CERT1: variants seen among roughly 807,000 people sequenced by gnomAD.
The protein encoded by CERT1 is ceramide transporter 1.
In CERT1, 31 loss-of-function variants were observed where a neutral mutation model predicts 87.9. The ratio of observed to expected loss-of-function variants is 0.35; its 90% confidence interval spans 0.27 to 0.48. CERT1 has a LOEUF of 0.48. Among genes scored for constraint, CERT1 ranks in the 20% least tolerant of loss-of-function variants. The pLI, the probability that CERT1 is intolerant of heterozygous loss-of-function variation, is 0.99. For missense variants in CERT1, 487 were observed against 758.0 expected (o/e 0.64, Z 4.20); for synonymous variants, 289 against 250.9 (o/e 1.15, Z -1.44).
At chr5:75,417,255 T>C (rs1763170310) in intron 6 of CERT1, among the ~76,000 whole-genome samples, 1 of 152,198 alleles carries the variant, frequency 6.6e-6, no homozygotes, top group African/African-American at 2.4e-5. Flanking sequence ...CTAGATTCTG[T>C]TTCCTGAAAT....
chr5:75,404,772 A>T (rs1403167013), intron 8 of CERT1, among the ~76,000 whole-genome samples: 3 of 152,026 alleles, frequency 2.0e-5, no homozygotes, highest in African/African-American at 7.2e-5. Flanking sequence ...ACTCTGGGAG[A>T]CCAAGGAGGG....
intron 2 of CERT1, among the ~76,000 whole-genome samples, chr5:75,480,597 T>A (rs1766191562): frequency 6.6e-6 from 1 of 152,248 alleles, no homozygotes. Context: ...CCCTCTTCCC[T>A]GGTCTCCAGA....
chr5:75,497,949 A>G (rs1309637524), intron 2 of CERT1, among the ~76,000 whole-genome samples: 1 of 152,100 alleles, frequency 6.6e-6, no homozygotes. Flanking sequence ...CTTCCTAGAG[A>G]CTTGTTGAAT....
At chr5:75,481,075 T>A (rs1021642379) in intron 2 of CERT1, among the ~76,000 whole-genome samples, 1 of 152,202 alleles carries the variant, frequency 6.6e-6, no homozygotes, top group Admixed American at 6.5e-5. Context: ...CGCTCAGCAT[T>A]AAAGTCAAAG....
Position 75,401,666 on chromosome 5 carries a change from A to C in CERT1, c.1017+1306T>G, listed in dbSNP as rs147682191. 43 of 152,302 alleles carry C rather than the reference A, an allele frequency of 2.8e-4. 1 individual carries two copies. In the East Asian group the frequency reaches 7.5e-3, roughly 27 times the overall value. 9.4% of individuals were successfully genotyped at this position (152,302 alleles called of 1,614,324 possible). A position where few individuals can be genotyped will look rare whatever the true frequency, so the allele number is the denominator to read the frequency against. ...TTTGGGTATAAAAAAAATGAGCAAT[A>C]AGCTTTACAAATTAATGTGACATGA... On this transcript the variant is annotated intron_variant, in intron 9 of 16. Coordinates refer to ENST00000643780, the MANE Select transcript of CERT1 (RefSeq NM_001379029.1).
At chr5:75,420,347 GTT>G (rs11310251) in intron 5 of CERT1, among the ~76,000 whole-genome samples, 4 of 138,514 alleles carry the variant, frequency 2.9e-5, no homozygotes, top group Non-Finnish European at 3.2e-5. Flanking sequence ...GATATCGACT[GTT>G]TTTTTTTTTT....
chr5:75,411,798 A>G lies in CERT1; in HGVS notation c.838-695T>C, dbSNP rs533892057. ...CCCACCAACCCCAGTTAAGAGATAC[A>G]TTTATTTTGGTATGAAGAAAAACAG... On this transcript the variant is annotated intron_variant, in intron 7 of 16. Coordinates refer to ENST00000643780, the MANE Select transcript of CERT1 (RefSeq NM_001379029.1). Among the ~76,000 whole-genome samples, 13 of 152,292 alleles carry G rather than the reference A, an allele frequency of 8.5e-5. No individual in the cohort carries two copies. The South Asian group carries it at 2.7e-3, about 32-fold the overall frequency.
At chr5:75,485,760 A>T (rs1158293467) in intron 2 of CERT1, among the ~76,000 whole-genome samples, 1 of 152,164 alleles carries the variant, frequency 6.6e-6, no homozygotes, top group Non-Finnish European at 1.5e-5. Flanking sequence ...AAAACCTAGA[A>T]GAAATGAATA....
At chr5:75,429,965 G>C (rs982523047) in intron 3 of CERT1, among the ~76,000 whole-genome samples, 4 of 151,796 alleles carry the variant, frequency 2.6e-5, no homozygotes, top group South Asian at 2.1e-4. Context: ...AATCTCAAAG[G>C]AGGAGGAAAC....
At chr5:75,400,126 G>A (rs1482758038) in intron 10 of CERT1, 79 bp downstream of exon 10, 3 of 1,089,642 alleles carry the variant, frequency 2.8e-6, no homozygotes, top group Admixed American at 2.0e-5. Context: ...GTGAGACTCC[G>A]TCTCAAATAA....
At chr5:75,436,985 T>A (rs1389600528) in intron 3 of CERT1, among the ~76,000 whole-genome samples, 1 of 152,144 alleles carries the variant, frequency 6.6e-6, no homozygotes, top group Non-Finnish European at 1.5e-5. Context: ...GGGGTCTTAT[T>A]ACGTTGTCTA....
chr5:75,473,487 G>A (rs901059154), intron 2 of CERT1, among the ~76,000 whole-genome samples: 38 of 151,644 alleles, frequency 2.5e-4, no homozygotes, highest in Admixed American at 2.5e-3. Flanking sequence ...GACAAATAAC[G>A]CATTATTTCC....
intron 4 of CERT1, among the ~76,000 whole-genome samples, chr5:75,425,755 G>A (rs1763590549): frequency 6.6e-6 from 1 of 152,102 alleles, no homozygotes; most frequent in Non-Finnish European, 1.5e-5. Context: ...ATTTTTTATA[G>A]AAAACAAGAA....
Position 75,414,369 on chromosome 5 carries a change from T to A in CERT1, c.837+2507A>T, listed in dbSNP as rs149522927. On this transcript the variant is annotated intron_variant, in intron 7 of 16. Transcript: ENST00000643780. Reference sequence around the variant, plus strand: ...GTTAAAAAAAATCAGGTAGTATACTTAAGATTGGTACACTTCATTGTATGT... The same window carrying A: ...GTTAAAAAAAATCAGGTAGTATACTAAAGATTGGTACACTTCATTGTATGT... Among the ~76,000 whole-genome samples, 21 of 152,316 alleles carry A rather than the reference T, an allele frequency of 1.4e-4. No homozygotes were observed. The East Asian group carries it at 3.9e-3, about 28-fold the overall frequency.
chr5:75,496,880 T>G (rs1026506941), intron 2 of CERT1, among the ~76,000 whole-genome samples: 1 of 152,172 alleles, frequency 6.6e-6, no homozygotes, highest in Non-Finnish European at 1.5e-5. Flanking sequence ...TATGACTGTA[T>G]GCATTTGTGA....
chr5:75,443,048 G>A (rs1420633623), intron 3 of CERT1, among the ~76,000 whole-genome samples: 1 of 152,078 alleles, frequency 6.6e-6, no homozygotes, highest in Non-Finnish European at 1.5e-5. Context: ...TGTGAATAAG[G>A]TAGGACTGCT....
intron 2 of CERT1, among the ~76,000 whole-genome samples, chr5:75,467,974 T>C (rs1366235412): frequency 6.6e-6 from 1 of 152,226 alleles, no homozygotes; most frequent in Non-Finnish European, 1.5e-5. Flanking sequence ...TTTTTGTAAG[T>C]GAAAAACTTA....
downstream of CERT1, chr5:75,374,979 C>A: frequency 4.2e-6 from 1 of 239,620 alleles, no homozygotes; most frequent in Non-Finnish European, 8.3e-6. Flanking sequence ...GAGAAGAAAG[C>A]TTATTCATGT....
At chr5:75,466,730 C>T (rs1393393297) in intron 2 of CERT1, among the ~76,000 whole-genome samples, 1 of 152,190 alleles carries the variant, frequency 6.6e-6, no homozygotes, top group Non-Finnish European at 1.5e-5. Flanking sequence ...CTGAGTCCCA[C>T]CTCTGCAGGA....
Sources: allele counts gnomAD v4.1 joint callset (sites outside exome capture counted in the v4.1 genomes callset), GRCh38; gene constraint gnomAD v4.1.1; transcripts MANE v1.5; gene names NCBI Gene and HGNC (gene_info 2026-07-23, HGNC 2026-07-21).